The following SUB1 variants were observed in gnomAD, a reference collection of about 807,000 sequenced individuals.
SUB1 encodes the protein SUB1 regulator of transcription.
A neutral mutation model predicts 16.9 loss-of-function variants in SUB1; 1 was observed. That is an observed-to-expected ratio of 0.06 (90% confidence interval 0.02 to 0.28). SUB1 has a LOEUF of 0.28. SUB1 is among the 10% of genes least tolerant of loss of function. SUB1 has a pLI of 1.00. For synonymous variants in SUB1, 51 were observed against 46.9 expected (o/e 1.09, Z -0.36); for missense variants, 84 against 145.2 (o/e 0.58, Z 2.16).
chr5:32,588,902 T>G (rs949488702), intron 2 of SUB1, among the ~76,000 whole-genome samples: 4 of 152,180 alleles, frequency 2.6e-5, no homozygotes, highest in Non-Finnish European at 4.4e-5. Flanking sequence ...TAGAAGTGCC[T>G]AGGATGCTTT....
At chr5:32,590,356 G>GGGTTGGGTATTGTAGT (rs1738787794) in intron 2 of SUB1, among the ~76,000 whole-genome samples, 1 of 151,830 alleles carries the variant, frequency 6.6e-6, no homozygotes, top group African/African-American at 2.4e-5. Flanking sequence ...TCTTCTGTTT[G>GGGTTGGGTATTGTAGT]GGTTGGGTAT....
At position 32,601,311 on chromosome 5, in the gene SUB1, A is replaced by G. The variant is rs1030521014; in HGVS notation, c.*227A>G. On this transcript the variant is annotated 3_prime_UTR_variant, in exon 5 of 5. Coordinates refer to ENST00000265073, the MANE Select transcript of SUB1 (RefSeq NM_006713.4). ...GTCTGCCCACCACCTAGTGTAAAAT[A>G]AAATCAAGTAATACAATCTTAACTG... 7 of 460,268 alleles carry G rather than the reference A, an allele frequency of 1.5e-5. No homozygotes were observed. The highest frequency in any genetic ancestry group is 2.3e-5 in the Non-Finnish European group (6 of 258,944). 28.5% of individuals were successfully genotyped at this position (460,268 alleles called of 1,614,324 possible). A position where few individuals can be genotyped will look rare whatever the true frequency, so the allele number is the denominator to read the frequency against.
In SUB1 at chr5:32,601,166, T is replaced by C. The variant is rs1739105485; in HGVS notation, c.*82T>C. ...TACATTGGCTTTTGTTTTCTAAATG[T>C]TCTCCAAGCTATTGTATGTTTGGAT... On this transcript the variant is annotated 3_prime_UTR_variant, in exon 5 of 5. Coordinates refer to ENST00000265073, the MANE Select transcript of SUB1 (RefSeq NM_006713.4). 1.5e-5 allele frequency: 17 copies of C among 1,117,850 alleles called. No homozygotes were observed. Among genetic ancestry groups the C allele is most frequent in the Non-Finnish European group, 2.2e-5 (17 of 759,764 alleles). The allele number at this position is 1,117,850 out of a possible 1,614,324, so 69.2% of individuals were successfully genotyped here. A position where few individuals can be genotyped will look rare whatever the true frequency, so the allele number is the denominator to read the frequency against.
rs1046680 is a variant in SUB1, at chr5:32,602,840, T to A, written c.*1756T>A. ...CAAAGTTTGTACTTTAGACACATCA[T>A]GCTTGATTGGTAACTTCCCTCCTTT... On this transcript the variant is annotated 3_prime_UTR_variant, in exon 5 of 5. Coordinates refer to ENST00000265073, the MANE Select transcript of SUB1 (RefSeq NM_006713.4). The A allele has an allele frequency of 0.33, 49,464 of 151,964 alleles. 8,774 individuals are homozygous for A. Among genetic ancestry groups the A allele is most frequent in the South Asian group, 0.41 (1,971 of 4,824 alleles). 9.4% of individuals were successfully genotyped at this position (151,964 alleles called of 1,614,324 possible).
chr5:32,593,054 C>T (rs1346584463), intron 3 of SUB1, among the ~76,000 whole-genome samples: 1 of 151,980 alleles, frequency 6.6e-6, no homozygotes, highest in East Asian at 1.9e-4. Context: ...GCTCTGTCAC[C>T]CAGGCTGGAG....
chr5:32,586,857 TAAAATC>T (rs1738684321), intron 1 of SUB1, among the ~76,000 whole-genome samples: 1 of 152,216 alleles, frequency 6.6e-6, no homozygotes. Context: ...CATTACCAGT[TAAAATC>T]AGATTGAGCT....
chr5:32,602,268 T>G lies in SUB1; in HGVS notation c.*1184T>G. The G allele has an allele frequency of 2.2e-6, 1 of 453,210 alleles. No homozygotes were observed. Among genetic ancestry groups the G allele is most frequent in the South Asian group, 1.6e-5 (1 of 64,128 alleles). 28.1% of individuals were successfully genotyped at this position (453,210 alleles called of 1,614,324 possible). A position where few individuals can be genotyped will look rare whatever the true frequency, so the allele number is the denominator to read the frequency against. On this transcript the variant is annotated 3_prime_UTR_variant, in exon 5 of 5. Transcript: ENST00000265073. ...GGCATGGTGTGCCTTAGGAAAAGAA[T>G]GTTTATAAAGGGAATTATAACTGAA...
chr5:32,592,668 A>G (rs1000925463), intron 3 of SUB1, among the ~76,000 whole-genome samples: 1 of 152,210 alleles, frequency 6.6e-6, no homozygotes, highest in Non-Finnish European at 1.5e-5. Flanking sequence ...GACCAGAGGA[A>G]TTAGGCAGTC....
Position 32,589,722 on chromosome 5 carries a change from A to C in SUB1, c.72+1138A>C, listed in dbSNP as rs561862180. On this transcript the variant is annotated intron_variant, in intron 2 of 4. Transcript: ENST00000265073. ...TTTACATATCTGAAGAGATATTTAT[A>C]TCCTAGAAATAGAATAAGTTGGTCG... Among the ~76,000 whole-genome samples, 5 of 152,342 alleles carry C rather than the reference A, an allele frequency of 3.3e-5. No individual in the cohort carries two copies. The South Asian group carries it at 1.0e-3, about 32-fold the overall frequency.
In SUB1 at chr5:32,603,789, G is replaced by C. The variant is rs2111698093; in HGVS notation, c.*2705G>C. Reference sequence around the variant, plus strand: ...GATATGTTAGCAGAATACTATAAAAGTTTGAAATTTTTAAAAAGTAAAAGT... The same window carrying C: ...GATATGTTAGCAGAATACTATAAAACTTTGAAATTTTTAAAAAGTAAAAGT... On this transcript the variant is annotated 3_prime_UTR_variant, in exon 5 of 5. Coordinates refer to ENST00000265073, the MANE Select transcript of SUB1 (RefSeq NM_006713.4). 6.6e-6 allele frequency: 1 copy of C among 152,132 alleles called. No individual in the cohort carries two copies. Among genetic ancestry groups the C allele is most frequent in the South Asian group, 2.1e-4 (1 of 4,820 alleles). The allele number at this position is 152,132 out of a possible 1,614,324, so 9.4% of individuals were successfully genotyped here.
chr5:32,601,160 T>C lies in SUB1; in HGVS notation c.*76T>C, dbSNP rs1739105256. On this transcript the variant is annotated 3_prime_UTR_variant, in exon 5 of 5. Coordinates refer to ENST00000265073, the MANE Select transcript of SUB1 (RefSeq NM_006713.4). Reference sequence around the variant, plus strand: ...TCTTTTTACATTGGCTTTTGTTTTCTAAATGTTCTCCAAGCTATTGTATGT... The same window carrying C: ...TCTTTTTACATTGGCTTTTGTTTTCCAAATGTTCTCCAAGCTATTGTATGT... 8.3e-7 allele frequency: 1 copy of C among 1,203,766 alleles called. No individual in the cohort carries two copies. The highest frequency in any genetic ancestry group is 1.2e-6 in the Non-Finnish European group (1 of 833,404). The allele number at this position is 1,203,766 out of a possible 1,614,324, so 74.6% of individuals were successfully genotyped here.
chr5:32,597,892 G>C (rs1354109615), intron 3 of SUB1: 1 of 151,990 alleles, frequency 6.6e-6, no homozygotes, highest in East Asian at 1.9e-4. Flanking sequence ...TCATAAGGGA[G>C]AAAAATTACA....
At position 32,598,206 on chromosome 5, in the gene SUB1, C is replaced by G. The variant is rs921643971; in HGVS notation, c.196-755C>G. On this transcript the variant is annotated intron_variant, in intron 3 of 4. Transcript: ENST00000265073. ...TAGCTGGGATCATAGGCATGCACCA[C>G]TGCTTCTGGCAGTTTTTTTCTTGTG... 2 of 152,370 alleles carry G rather than the reference C, an allele frequency of 1.3e-5. 1 individual carries two copies. The highest frequency in any genetic ancestry group is 2.9e-5 in the Non-Finnish European group (2 of 68,058). 9.4% of individuals were successfully genotyped at this position (152,370 alleles called of 1,614,324 possible).
At chr5:32,593,072 G>A (rs1432019211) in intron 3 of SUB1, among the ~76,000 whole-genome samples, 2 of 152,054 alleles carry the variant, frequency 1.3e-5, no homozygotes, top group African/African-American at 4.8e-5. Context: ...GAGTGCAGTG[G>A]TGTGATCTCT....
chr5:32,594,554 C>G (rs1373913141), intron 3 of SUB1: 1 of 449,508 alleles, frequency 2.2e-6, no homozygotes. Context: ...TTTGAGTTTT[C>G]TTTTTTGTGT....
Position 32,588,504 on chromosome 5 carries a change from T to G in SUB1, c.-1-8T>G. On this transcript the variant is annotated splice_region_variant and splice_polypyrimidine_tract_variant and intron_variant, in intron 1 of 4. Coordinates refer to ENST00000265073, the MANE Select transcript of SUB1 (RefSeq NM_006713.4). ...ATTAATTATTTTTGTAATGTATTTT[T>G]CTTTCAGGATGCCTAAATCAAAGGA... is the stretch of plus-strand genomic sequence containing the variant. 1 of 1,610,864 alleles carries G rather than the reference T, an allele frequency of 6.2e-7. No individual in the cohort carries two copies. The highest frequency in any genetic ancestry group is 1.1e-5 in the South Asian group (1 of 90,880).
intron 1 of SUB1, 67 bp from the exon 2 acceptor site, chr5:32,588,445 G>C (rs2111653996): frequency 7.2e-7 from 1 of 1,395,770 alleles, no homozygotes; most frequent in East Asian, 2.4e-5. Context: ...TCTTTGATTG[G>C]GGGAGAGCTA....
intron 1 of SUB1, among the ~76,000 whole-genome samples, chr5:32,587,980 A>T (rs1423821110): frequency 1.3e-5 from 2 of 152,192 alleles, no homozygotes; most frequent in Non-Finnish European, 2.9e-5. Context: ...CCAAAAAGTC[A>T]AAATATGAAT....
At chr5:32,592,007 T>C (rs945593982) in intron 3 of SUB1, among the ~76,000 whole-genome samples, 4 of 152,230 alleles carry the variant, frequency 2.6e-5, no homozygotes, top group Non-Finnish European at 5.9e-5. Flanking sequence ...CAAAGTTGGC[T>C]GTTTCTTTAG....
Sources: gnomAD v4.1 joint callset for allele counts (sites outside exome capture counted in the v4.1 genomes callset) on GRCh38, gnomAD v4.1.1 for gene constraint, MANE v1.5 for transcripts, NCBI Gene and HGNC (gene_info 2026-07-23, HGNC 2026-07-21) for gene names.